LCOR: variants seen among roughly 807,000 people sequenced by gnomAD.
LCOR encodes the protein ligand-dependent corepressor.
Under a neutral mutation model 64.4 loss-of-function variants are expected in LCOR, and 14 were observed. The observed-to-expected ratio is 0.22, with a 90% confidence interval of 0.14 to 0.34. LCOR has a LOEUF of 0.34. Ranked by LOEUF, LCOR falls within the 10% of genes least tolerant of loss-of-function variation. The pLI, the probability that LCOR is intolerant of heterozygous loss-of-function variation, is 1.00. For synonymous variants in LCOR, 643 were observed against 642.5 expected (o/e 1.00, Z -0.01); for missense variants, 1,686 against 1,765.3 (o/e 0.96, Z 0.80).
intron 4 of LCOR, among the ~76,000 whole-genome samples, chr10:96,914,713 A>T (rs372300896): frequency 1.6e-4 from 24 of 152,384 alleles, no homozygotes; most frequent in African/African-American, 5.3e-4. Context: ...TCTTTATCTA[A>T]TGCTCTGAAT....
At chr10:96,846,637 G>C (rs1409620850) in intron 2 of LCOR, among the ~76,000 whole-genome samples, 1 of 152,186 alleles carries the variant, frequency 6.6e-6, no homozygotes, top group African/African-American at 2.4e-5. Flanking sequence ...TGTGAGACTT[G>C]TATAACCAGT....
intron 2 of LCOR, among the ~76,000 whole-genome samples, chr10:96,862,118 T>C (rs1845897294): frequency 6.6e-6 from 1 of 152,204 alleles, no homozygotes; most frequent in Non-Finnish European, 1.5e-5. Context: ...AAGAGATGCA[T>C]AGGGCAAGGC....
intron 7 of LCOR, chr10:96,959,226 A>G (rs575700864): frequency 6.6e-6 from 1 of 152,264 alleles, no homozygotes; most frequent in South Asian, 2.1e-4. Flanking sequence ...GTCTATTAGC[A>G]TGCTTAATTT....
intron 4 of LCOR, among the ~76,000 whole-genome samples, chr10:96,928,822 G>A (rs1847210119): frequency 6.6e-6 from 1 of 152,158 alleles, no homozygotes; most frequent in Admixed American, 6.5e-5. Flanking sequence ...GGATACATGG[G>A]CTGCAGAATG....
chr10:96,916,605 ATC>A lies in LCOR; in HGVS notation c.-184+8860_-184+8861del, dbSNP rs1554836849. 4.0e-3 allele frequency among the ~76,000 whole-genome samples: 600 copies of A among 148,848 alleles called. 9 individuals are homozygous for A. The highest frequency in any genetic ancestry group is 0.013 in the African/African-American group (537 of 40,330). ...TTAAAGGCTATATATATATATATAT[ATC>A]TATATATATGATTATTTATTTTTTT... On this transcript the variant is annotated intron_variant, in intron 4 of 7. Transcript: ENST00000421806.
chr10:96,964,669 G>A (rs1021333910), intron 7 of LCOR, among the ~76,000 whole-genome samples: 37 of 152,082 alleles, frequency 2.4e-4, no homozygotes, highest in African/African-American at 7.5e-4. Flanking sequence ...TTACTAATTT[G>A]ATACCTCGGC....
intron 4 of LCOR, among the ~76,000 whole-genome samples, chr10:96,916,139 C>T (rs761244853): frequency 1.9e-4 from 29 of 152,170 alleles, no homozygotes; most frequent in Non-Finnish European, 3.4e-4. Context: ...TCACCCAATT[C>T]TCCTGCCTCA....
intron 2 of LCOR, among the ~76,000 whole-genome samples, chr10:96,887,092 C>T (rs1846355956): frequency 6.6e-6 from 1 of 152,018 alleles, no homozygotes; most frequent in Non-Finnish European, 1.5e-5. Context: ...GTGTCATTTC[C>T]CCTTTGCACT....
At chr10:96,927,791 C>T (rs1328099511) in intron 4 of LCOR, among the ~76,000 whole-genome samples, 3 of 152,114 alleles carry the variant, frequency 2.0e-5, no homozygotes, top group Admixed American at 6.6e-5. Context: ...TATTTCTGGA[C>T]CCTACAGACA....
intron 4 of LCOR, among the ~76,000 whole-genome samples, chr10:96,911,093 C>CCT (rs1350822656): frequency 8.8e-6 from 1 of 114,172 alleles, no homozygotes; most frequent in African/African-American, 3.6e-5. Context: ...TACATGTTCC[C>CCT]TTTTTTTTTT....
Position 96,983,980 on chromosome 10 carries a change from T to C in LCOR, c.3520T>C (p.Phe1174Leu). The C allele has an allele frequency of 6.2e-7, 1 of 1,614,194 alleles. No homozygotes were observed. The highest frequency in any genetic ancestry group is 8.5e-7 in the Non-Finnish European group (1 of 1,180,020). The change falls in exon 8 of 8, where the codon TTT becomes CTT. Residue 1174 changes from phenylalanine (F) to leucine (L), a missense_variant. Coordinates refer to ENST00000421806, the MANE Select transcript of LCOR (RefSeq NM_001346516.2). The surrounding 1 kb of genome is among the most constrained non-coding windows in gnomAD (Gnocchi z 4.5). ...SQKCSPVQML[F>L]MTNFKLSNVC... is the part of the protein sequence containing the mutation. ...GAAGTGTTCTCCTGTTCAGATGCTCTTTATGACAAACTTTAAATTATCTAA... is the reference window on the plus strand; with the variant it reads ...GAAGTGTTCTCCTGTTCAGATGCTCCTTATGACAAACTTTAAATTATCTAA...
chr10:96,956,048 CTT>C, intron 7 of LCOR: 3 of 1,469,384 alleles, frequency 2.0e-6, no homozygotes, highest in Non-Finnish European at 2.7e-6. Context: ...TTTGCATTGA[CTT>C]GTGTGTACAG....
At chr10:96,900,229 T>G (rs1476310207) in intron 2 of LCOR, among the ~76,000 whole-genome samples, 3 of 152,170 alleles carry the variant, frequency 2.0e-5, no homozygotes, top group Non-Finnish European at 4.4e-5. Context: ...GTTTTGAGGC[T>G]TATTCATCCA....
Position 96,987,153 on chromosome 10 carries a change from C to CTT in LCOR, c.*2021_*2022dup, listed in dbSNP as rs1014402636. On this transcript the variant is annotated 3_prime_UTR_variant, in exon 8 of 8. Transcript: ENST00000421806. ...CTGCTGAGTGTGTATGTTGGCAACC[C>CTT]TTTCTCAGCATTAAGTTGCACAGAG... 1.3e-4 allele frequency: 20 copies of CTT among 152,234 alleles called. 1 individual carries two copies. Among genetic ancestry groups the CTT allele is most frequent in the Non-Finnish European group, 2.6e-4 (18 of 68,016 alleles). 9.4% of individuals were successfully genotyped at this position (152,234 alleles called of 1,614,324 possible).
intron 6 of LCOR, among the ~76,000 whole-genome samples, chr10:96,950,142 G>C (rs1285695092): frequency 1.3e-5 from 2 of 152,070 alleles, no homozygotes; most frequent in Non-Finnish European, 2.9e-5. Flanking sequence ...TAGAAATCTT[G>C]AGTATACAGA....
intron 7 of LCOR, chr10:96,961,524 A>T (rs1472919182): frequency 6.6e-6 from 1 of 152,128 alleles, no homozygotes; most frequent in South Asian, 2.1e-4. Context: ...CATACCTCTT[A>T]AACTTTTTAG....
At chr10:96,956,221 A>G in intron 7 of LCOR, 1 of 1,069,574 alleles carries the variant, frequency 9.3e-7, no homozygotes, top group Non-Finnish European at 1.1e-6. Context: ...TAGAGCCTGC[A>G]TGCTTTTTTG....
intron 2 of LCOR, among the ~76,000 whole-genome samples, chr10:96,873,571 CGTGTGT>C (rs55893181): frequency 0.043 from 5,442 of 126,286 alleles, 131 homozygotes; most frequent in East Asian, 0.13. Flanking sequence ...CACACACACA[CGTGTGT>C]GTGTGTGTGT....
In LCOR at chr10:96,985,255, C is replaced by T. The variant is rs887767320; in HGVS notation, c.*121C>T. 13 of 1,240,156 alleles carry T rather than the reference C, an allele frequency of 1.0e-5. No homozygotes were observed. Among genetic ancestry groups the T allele is most frequent in the African/African-American group, 6.1e-5 (4 of 65,218 alleles). The allele number at this position is 1,240,156 out of a possible 1,614,324, so 76.8% of individuals were successfully genotyped here. On this transcript the variant is annotated 3_prime_UTR_variant, in exon 8 of 8. Transcript: ENST00000421806. ...CAAATTTACAGTTAATGGAGAACAC[C>T]GTAATTTGAGATGTCAGAAAATGCA...
Sources: gnomAD v4.1 joint callset for allele counts (sites outside exome capture counted in the v4.1 genomes callset) on GRCh38, gnomAD v4.1.1 for gene constraint, Gnocchi (gnomAD v3.1) non-coding constraint, MANE v1.5 for transcripts, NCBI Gene and HGNC (gene_info 2026-07-23, HGNC 2026-07-21) for gene names.